The following FOXP2 variants were observed in gnomAD, a reference collection of about 807,000 sequenced individuals.
The protein encoded by FOXP2 is forkhead box protein P2.
A neutral mutation model predicts 115.8 loss-of-function variants in FOXP2; 12 were observed. The ratio of observed to expected loss-of-function variants is 0.10; its 90% CI spans 0.07 to 0.17. The LOEUF is 0.17. Ranked by LOEUF, FOXP2 falls within the 10% of genes least tolerant of loss-of-function variation. The pLI, the probability that FOXP2 is intolerant of heterozygous loss-of-function variation, is 1.00. For missense variants in FOXP2, 629 were observed against 843.5 expected, an observed-to-expected ratio of 0.75 and a Z score of 3.15; for synonymous variants, 328 against 297.7, an observed-to-expected ratio of 1.10 and a Z score of -1.05.
chr7:114,451,560 C>T (rs1030959674), intron 2 of FOXP2, among the ~76,000 whole-genome samples: 1 of 151,966 alleles, frequency 6.6e-6, no homozygotes, highest in Non-Finnish European at 1.5e-5. Context: ...TCCGTCTCAT[C>T]CTTCCTTCAC....
At chr7:114,636,378 T>A (rs1156427948) in intron 6 of FOXP2, among the ~76,000 whole-genome samples, 2 of 152,158 alleles carry the variant, frequency 1.3e-5, no homozygotes, top group Non-Finnish European at 2.9e-5. Context: ...AATATCTCAG[T>A]GATTCAAATT....
chr7:114,326,825 A>C (rs1797565999), intron 2 of FOXP2, among the ~76,000 whole-genome samples: 1 of 152,164 alleles, frequency 6.6e-6, no homozygotes, highest in African/African-American at 2.4e-5. Context: ...TACTTTTAAG[A>C]AATTTAGCTT....
intron 3 of FOXP2, among the ~76,000 whole-genome samples, chr7:114,543,537 T>A (rs1383874735): frequency 6.9e-6 from 1 of 145,220 alleles, no homozygotes; most frequent in African/African-American, 2.7e-5. Flanking sequence ...TTTTAAATTT[T>A]CAAAAAAGAA....
At chr7:114,532,257 C>T (rs925170372) in intron 2 of FOXP2, among the ~76,000 whole-genome samples, 2 of 151,694 alleles carry the variant, frequency 1.3e-5, no homozygotes, top group African/African-American at 4.8e-5. Flanking sequence ...GGGCAGTAGC[C>T]ATTAAAACAG....
chr7:114,685,763 G>A (rs1247206742), intron 16 of FOXP2, among the ~76,000 whole-genome samples: 3 of 152,126 alleles, frequency 2.0e-5, no homozygotes, highest in South Asian at 2.1e-4. Context: ...GGGCTTTAAA[G>A]TACTTTTCTT....
chr7:114,092,852 A>T (rs748801104), intron 1 of FOXP2, among the ~76,000 whole-genome samples: 1 of 151,888 alleles, frequency 6.6e-6, no homozygotes, highest in Admixed American at 6.6e-5. Context: ...TTTTTTCCTT[A>T]TGGAGTCTAC....
At chr7:114,426,126 C>T (rs1473706257) in intron 1 of FOXP2, among the ~76,000 whole-genome samples, 4 of 151,588 alleles carry the variant, frequency 2.6e-5, no homozygotes, top group Non-Finnish European at 5.9e-5. Context: ...GCTGTATAGT[C>T]ATCCATGGTT....
intron 1 of FOXP2, among the ~76,000 whole-genome samples, chr7:114,145,189 C>T (rs926367236): frequency 5.3e-5 from 8 of 152,100 alleles, no homozygotes; most frequent in South Asian, 2.1e-4. Context: ...TGTGCTCTTA[C>T]CCCCATAGAG....
At chr7:114,566,286 A>T (rs1038118329) in intron 3 of FOXP2, among the ~76,000 whole-genome samples, 1 of 152,094 alleles carries the variant, frequency 6.6e-6, no homozygotes, top group Non-Finnish European at 1.5e-5. Flanking sequence ...TAAAATGTAG[A>T]CCACTCCTAT....
intron 1 of FOXP2, among the ~76,000 whole-genome samples, chr7:114,208,533 G>A (rs540383180): frequency 1.3e-5 from 2 of 152,190 alleles, no homozygotes; most frequent in African/African-American, 4.8e-5. Flanking sequence ...AGGCATACTT[G>A]GTTTTGAAAT....
chr7:114,465,759 G>A (rs545012826), intron 2 of FOXP2, among the ~76,000 whole-genome samples: 1 of 152,254 alleles, frequency 6.6e-6, no homozygotes, highest in South Asian at 2.1e-4. Flanking sequence ...TTTGGGAAGC[G>A]AGTGTTACCA....
rs527447187 is a variant in FOXP2, at chr7:114,182,077, G to A, written c.-102+18989G>A. ...GTGCCTTATTCCCCTCAACCTGATT[G>A]TTAACTTCTTTTGAACAAAAATATT... On this transcript the variant is annotated intron_variant, in intron 1 of 17. Transcript: ENST00000634411. 9.2e-5 allele frequency among the ~76,000 whole-genome samples: 14 copies of A among 152,008 alleles called. No individual in the cohort carries two copies. The East Asian group carries it at 2.7e-3, about 29-fold the overall frequency.
chr7:114,139,180 T>C (rs1792133774), intron 1 of FOXP2, among the ~76,000 whole-genome samples: 1 of 152,156 alleles, frequency 6.6e-6, no homozygotes, highest in African/African-American at 2.4e-5. Flanking sequence ...ATTTTTAAAA[T>C]CAACTTTTTG....
chr7:114,139,756 G>A (rs1792152665), intron 1 of FOXP2, among the ~76,000 whole-genome samples: 1 of 151,780 alleles, frequency 6.6e-6, no homozygotes, highest in Non-Finnish European at 1.5e-5. Flanking sequence ...TTTTAATTTT[G>A]TTGGCTTTCT....
intron 2 of FOXP2, among the ~76,000 whole-genome samples, chr7:114,508,884 A>T (rs892677689): frequency 7.2e-5 from 11 of 152,106 alleles, no homozygotes; most frequent in African/African-American, 2.7e-4. Flanking sequence ...AGCAGTATTG[A>T]CAAGACATGG....
chr7:114,628,396 AG>A, intron 3 of FOXP2, 143 bp from the exon 4 acceptor site: 1 of 1,083,020 alleles, frequency 9.2e-7, no homozygotes, highest in Non-Finnish European at 1.4e-6. Flanking sequence ...ACTATTGTAA[AG>A]AAGTTATAGT....
intron 8 of FOXP2, chr7:114,645,185 T>C (rs1805820471): frequency 7.7e-6 from 1 of 130,248 alleles, no homozygotes; most frequent in Non-Finnish European, 1.6e-5. Flanking sequence ...TATATTTCAG[T>C]AAACATATTT....
intron 1 of FOXP2, among the ~76,000 whole-genome samples, chr7:114,233,473 A>T (rs1794935584): frequency 6.6e-6 from 1 of 152,210 alleles, no homozygotes; most frequent in African/African-American, 2.4e-5. Flanking sequence ...AAAGTTTGAC[A>T]TCATTGATCA....
chr7:114,459,741 G>A (rs538868518), intron 2 of FOXP2, among the ~76,000 whole-genome samples: 10 of 152,078 alleles, frequency 6.6e-5, no homozygotes, highest in South Asian at 2.1e-4. Context: ...TCAGCCTTCC[G>A]GGTAGCTGGG....
Sources: allele counts gnomAD v4.1 joint callset (sites outside exome capture counted in the v4.1 genomes callset), GRCh38; gene constraint gnomAD v4.1.1; transcripts MANE v1.5; gene names NCBI Gene and HGNC (gene_info 2026-07-23, HGNC 2026-07-21).